The following ASAP2 variants were observed in gnomAD, a reference collection of about 807,000 sequenced individuals.
The protein encoded by ASAP2 is arf-GAP with SH3 domain, ANK repeat and PH domain-containing protein 2.
In ASAP2, 45 loss-of-function variants were observed where a neutral mutation model predicts 131.4. The ratio of observed to expected loss-of-function variants is 0.34; its 90% CI spans 0.27 to 0.44. ASAP2 has a LOEUF of 0.44. ASAP2 is among the 20% of genes least tolerant of loss of function. The probability of loss-of-function intolerance (pLI) is 1.00; values close to 1 mark genes in which losing one functional copy is unlikely to be tolerated. For synonymous variants in ASAP2, 510 were observed against 503.0 expected, an observed-to-expected ratio of 1.01 and a Z score of -0.19; for missense variants, 1,011 against 1,297.0, an observed-to-expected ratio of 0.78 and a Z score of 3.39.
chr2:9,374,104 C>T (rs937017372), intron 16 of ASAP2, among the ~76,000 whole-genome samples: 6 of 152,242 alleles, frequency 3.9e-5, no homozygotes, highest in Admixed American at 3.3e-4. Flanking sequence ...ACTCAGGCTT[C>T]TTTGGCCCCC....
chr2:9,260,543 G>A (rs1458897951), intron 1 of ASAP2, among the ~76,000 whole-genome samples: 1 of 152,178 alleles, frequency 6.6e-6, no homozygotes. Flanking sequence ...GCTCTAAAAG[G>A]CACATGACCT....
intron 7 of ASAP2, among the ~76,000 whole-genome samples, chr2:9,331,661 G>A (rs888498675): frequency 3.3e-5 from 5 of 152,146 alleles, no homozygotes; most frequent in African/African-American, 4.8e-5. Context: ...CCGGCTACTC[G>A]GGAGACTGAG....
At chr2:9,385,001 C>T (rs566222346) in intron 20 of ASAP2, among the ~76,000 whole-genome samples, 2 of 152,348 alleles carry the variant, frequency 1.3e-5, no homozygotes, top group South Asian at 2.1e-4. Context: ...TTGAGAGTTA[C>T]GAGCCGGGAA....
rs148532235 is a variant in ASAP2 at position 9,337,015 on chromosome 2, C to T, written c.849+1836C>T. On this transcript the variant is annotated intron_variant, in intron 9 of 27. Coordinates refer to ENST00000281419, the MANE Select transcript of ASAP2 (RefSeq NM_003887.3). The stretch of plus-strand genomic sequence containing the variant: ...TGCAGAATTAGGAGGTTTGGGAAAA[C>T]GGGCTGTTGTGAGAGAACTGGTTAT... Among the ~76,000 whole-genome samples the T allele has an allele frequency of 9.2e-5, 14 of 152,356 alleles. No homozygotes were observed. In the South Asian group the frequency reaches 1.7e-3, roughly 18 times the overall value.
At chr2:9,294,504 G>A (rs968527129) in intron 2 of ASAP2, among the ~76,000 whole-genome samples, 4 of 152,144 alleles carry the variant, frequency 2.6e-5, no homozygotes, top group Admixed American at 1.3e-4. Context: ...AAAGTGCACC[G>A]ATCCTCCTAC....
intron 15 of ASAP2, among the ~76,000 whole-genome samples, chr2:9,361,797 C>T (rs779784702): frequency 6.6e-6 from 1 of 151,990 alleles, no homozygotes; most frequent in African/African-American, 2.4e-5. Flanking sequence ...ACTCCTGGAC[C>T]CAAGTGATCC....
Position 9,397,739 on chromosome 2 carries a change from T to G in ASAP2, c.2685-2284T>G, listed in dbSNP as rs1407658453. On this transcript the variant is annotated intron_variant, in intron 24 of 27. Coordinates refer to ENST00000281419, the MANE Select transcript of ASAP2 (RefSeq NM_003887.3). Reference sequence around the variant, plus strand: ...AAAAAATCAAAAGGATATATATATATATATATATATATTTTTTTTTTTTTT... The same window carrying G: ...AAAAAATCAAAAGGATATATATATAGATATATATATATTTTTTTTTTTTTT... Among the ~76,000 whole-genome samples, 16 of 91,752 alleles carry G rather than the reference T, an allele frequency of 1.7e-4. 1 individual carries two copies. Among genetic ancestry groups the G allele is most frequent in the African/African-American group, 1.2e-3 (14 of 12,136 alleles). The allele number at this position is 91,752 out of a possible 152,430, so 60.2% of individuals were successfully genotyped here.
intron 18 of ASAP2, among the ~76,000 whole-genome samples, chr2:9,378,645 G>A (rs1023558004): frequency 6.6e-6 from 1 of 152,222 alleles, no homozygotes; most frequent in Non-Finnish European, 1.5e-5. Flanking sequence ...GTTCACCCCG[G>A]TAGTGCACTG....
intron 1 of ASAP2, among the ~76,000 whole-genome samples, chr2:9,267,771 AC>A (rs1273038039): frequency 6.6e-6 from 1 of 151,812 alleles, no homozygotes; most frequent in African/African-American, 2.4e-5. Flanking sequence ...AGTAGTGCAC[AC>A]CTGTAGTTCC....
intron 1 of ASAP2, among the ~76,000 whole-genome samples, chr2:9,231,339 A>G (rs1022841701): frequency 2.0e-5 from 3 of 152,178 alleles, no homozygotes; most frequent in Admixed American, 6.5e-5. Context: ...GACCTCAGCC[A>G]GGAGGAACTT....
intron 2 of ASAP2, among the ~76,000 whole-genome samples, chr2:9,285,912 A>G (rs562246224): frequency 6.6e-6 from 1 of 152,372 alleles, no homozygotes; most frequent in East Asian, 1.9e-4. Flanking sequence ...CACATACAAA[A>G]GAAAATGAGA....
In ASAP2 at chr2:9,279,863, AT is replaced by A. The variant is rs368867823; in HGVS notation, c.199+480del. On this transcript the variant is annotated intron_variant, in intron 2 of 27. Transcript: ENST00000281419. ...ATTTGATCTAGATTTACACATACAT[AT>A]TTTTTACACATATATATTTACACAT... Among the ~76,000 whole-genome samples, 32 of 141,132 alleles carry A rather than the reference AT, an allele frequency of 2.3e-4. No homozygotes were observed. The Admixed American group carries it at 2.3e-3, about 10-fold the overall frequency. The allele number at this position is 141,132 out of a possible 152,430, so 92.6% of individuals were successfully genotyped here.
chr2:9,257,926 A>G (rs545806276), intron 1 of ASAP2, among the ~76,000 whole-genome samples: 2 of 152,246 alleles, frequency 1.3e-5, no homozygotes, highest in South Asian at 2.1e-4. Context: ...GTTACTTTCT[A>G]TGTTGTTGCA....
intron 1 of ASAP2, among the ~76,000 whole-genome samples, chr2:9,242,032 G>A (rs540130977): frequency 2.3e-4 from 35 of 152,234 alleles, no homozygotes; most frequent in Non-Finnish European, 4.4e-4. Context: ...TAGCTTCTTC[G>A]AGCACTAGTT....
intron 12 of ASAP2, among the ~76,000 whole-genome samples, chr2:9,352,857 G>GT (rs1195273461): frequency 1.3e-5 from 2 of 152,196 alleles, no homozygotes; most frequent in African/African-American, 4.8e-5. Flanking sequence ...GGGCAGTGTC[G>GT]TGAGTTTGCT....
chr2:9,245,671 C>T (rs1227626133), intron 1 of ASAP2, among the ~76,000 whole-genome samples: 1 of 152,162 alleles, frequency 6.6e-6, no homozygotes. Flanking sequence ...GAACAGAGCA[C>T]ACAGAAATCT....
At chr2:9,285,078 T>C (rs1667382219) in intron 2 of ASAP2, among the ~76,000 whole-genome samples, 2 of 152,144 alleles carry the variant, frequency 1.3e-5, no homozygotes, top group South Asian at 2.1e-4. Context: ...TAATTAGCTT[T>C]AGATGAGGGC....
At chr2:9,260,113 A>C (rs1019705776) in intron 1 of ASAP2, among the ~76,000 whole-genome samples, 1 of 152,178 alleles carries the variant, frequency 6.6e-6, no homozygotes, top group African/African-American at 2.4e-5. Context: ...TCCTCCACCA[A>C]CCTGGGGACT....
intron 11 of ASAP2, among the ~76,000 whole-genome samples, chr2:9,347,184 C>T (rs1672025597): frequency 6.6e-6 from 1 of 152,176 alleles, no homozygotes; most frequent in Non-Finnish European, 1.5e-5. Context: ...TTTTCCAGCC[C>T]TCCGTTCAGT....
Sources: gnomAD v4.1 joint callset for allele counts (sites outside exome capture counted in the v4.1 genomes callset) on GRCh38, gnomAD v4.1.1 for gene constraint, MANE v1.5 for transcripts, NCBI Gene and HGNC (gene_info 2026-07-23, HGNC 2026-07-21) for gene names.